IL23R: variants seen among roughly 807,000 people sequenced by gnomAD.
IL23R encodes interleukin 23 receptor, also known as interleukin-23 receptor.
Under a neutral mutation model 56.9 loss-of-function variants are expected in IL23R, and 34 were observed. The observed-to-expected ratio is 0.60, with a 90% CI of 0.45 to 0.80. The LOEUF (loss-of-function observed/expected upper bound fraction) is 0.80. Among genes scored for constraint, IL23R ranks in the 30% least tolerant of loss-of-function variants. The pLI is 0.00. For synonymous variants in IL23R, 230 were observed against 249.2 expected (o/e 0.92, Z 0.73); for missense variants, 635 against 730.0 (o/e 0.87, Z 1.50).
At chr1:67,197,398 T>C (rs1227286086) in intron 4 of IL23R, among the ~76,000 whole-genome samples, 1 of 151,998 alleles carries the variant, frequency 6.6e-6, no homozygotes, top group South Asian at 2.1e-4. Flanking sequence ...ACTAAGGAGG[T>C]AGAAAATCTG....
At chr1:67,202,607 T>C (rs1648719129) in intron 5 of IL23R, among the ~76,000 whole-genome samples, 3 of 152,268 alleles carry the variant, frequency 2.0e-5, no homozygotes, top group African/African-American at 2.4e-5. Flanking sequence ...ATTTATATAT[T>C]AGAAAACTGA....
Position 67,170,262 on chromosome 1 carries a change from C to T in IL23R, c.367+624C>T, listed in dbSNP as rs11465784. ...TTAATTTCAATAATTTATTTGGAAG[C>T]ATATGATAAAGTTTAAAGTACATCA... On this transcript the variant is annotated intron_variant, in intron 3 of 10. Transcript: ENST00000347310. 1.8e-3 allele frequency among the ~76,000 whole-genome samples: 274 copies of T among 152,248 alleles called. 1 individual carries two copies. The highest frequency in any genetic ancestry group is 3.1e-3 in the Non-Finnish European group (213 of 68,010).
chr1:67,205,481 A>G (rs1648941172), intron 5 of IL23R, among the ~76,000 whole-genome samples: 1 of 152,224 alleles, frequency 6.6e-6, no homozygotes, highest in African/African-American at 2.4e-5. Flanking sequence ...TACAGCTATC[A>G]AAGTCATAGG....
upstream of IL23R, among the ~76,000 whole-genome samples, chr1:67,163,840 CTCTTT>C (rs1326583248): frequency 5.3e-5 from 8 of 152,170 alleles, no homozygotes; most frequent in Admixed American, 5.2e-4. Flanking sequence ...CCAATTAAGC[CTCTTT>C]TCTTTATAAA....
chr1:67,207,587 T>C (rs553129257), intron 6 of IL23R: 17 of 371,408 alleles, frequency 4.6e-5, no homozygotes, highest in Admixed American at 4.1e-4. Flanking sequence ...TCTGATGCGT[T>C]TATCAGAGGT....
At chr1:67,183,195 T>C (rs1026958539) in intron 4 of IL23R, among the ~76,000 whole-genome samples, 5 of 152,232 alleles carry the variant, frequency 3.3e-5, no homozygotes, top group Non-Finnish European at 7.3e-5. Context: ...CATTAGTAGG[T>C]AACTGGTAGC....
intron 3 of IL23R, among the ~76,000 whole-genome samples, chr1:67,176,810 G>A (rs375821429): frequency 6.6e-5 from 10 of 152,068 alleles, no homozygotes; most frequent in South Asian, 2.1e-4. Flanking sequence ...AACTGGCCCC[G>A]GTGTGTGATG....
chr1:67,178,823 AT>A (rs1647048584), intron 3 of IL23R, among the ~76,000 whole-genome samples: 1 of 152,226 alleles, frequency 6.6e-6, no homozygotes, highest in African/African-American at 2.4e-5. Flanking sequence ...AGTTTTTAGC[AT>A]GAAGCTTGTT....
intron 6 of IL23R, 178 bp downstream of exon 6, chr1:67,207,233 G>T: frequency 1.4e-6 from 1 of 735,444 alleles, no homozygotes; most frequent in Non-Finnish European, 2.4e-6. Flanking sequence ...AGATTCGGGG[G>T]CACATGTGCA....
At chr1:67,219,842 G>C in intron 7 of IL23R, 112 bp downstream of exon 7, 1 of 1,015,634 alleles carries the variant, frequency 9.8e-7, no homozygotes, top group Non-Finnish European at 1.5e-6. Flanking sequence ...AAGGCAGGAA[G>C]ATTGCTTGAG....
chr1:67,255,013 A>C (rs536567938), intron 9 of IL23R, among the ~76,000 whole-genome samples: 1 of 152,322 alleles, frequency 6.6e-6, no homozygotes, highest in South Asian at 2.1e-4. Flanking sequence ...CTCCATCCGC[A>C]TCAAGAAAGT....
At chr1:67,181,649 C>T (rs1034267105) in intron 3 of IL23R, among the ~76,000 whole-genome samples, 4 of 152,216 alleles carry the variant, frequency 2.6e-5, no homozygotes, top group African/African-American at 9.6e-5. Flanking sequence ...AGTCATTCTC[C>T]ATCCAGCTTT....
intron 7 of IL23R, among the ~76,000 whole-genome samples, chr1:67,233,853 T>TG (rs1491543341): frequency 1.6e-5 from 1 of 62,678 alleles, no homozygotes; most frequent in African/African-American, 4.1e-5. Flanking sequence ...TATCATGAGG[T>TG]TTTTTTTTTT....
chr1:67,147,029 A>G lies in IL23R; in HGVS notation c.-634+7868A>G, dbSNP rs149223235. On this transcript the variant is annotated intron_variant, in intron 1 of 10. Coordinates refer to the IL23R transcript ENST00000637002. ...TTCTAACGGGTGAGTACAGGCCCCA[A>G]GACAGAACATTCAGAGTCCTTCTCT... Among the ~76,000 whole-genome samples, 254 of 152,284 alleles carry G rather than the reference A, an allele frequency of 1.7e-3. 1 individual carries two copies. The highest frequency in any genetic ancestry group is 5.9e-3 in the African/African-American group (244 of 41,562).
At chr1:67,265,831 A>G in the IL23R span, among the ~76,000 whole-genome samples, 1 of 152,076 alleles carries the variant, frequency 6.6e-6, no homozygotes, top group Non-Finnish European at 1.5e-5. Context: ...GCTTGAGCCC[A>G]GGAGTCCAAC....
At chr1:67,164,835 T>G (rs1324528723), upstream of IL23R, among the ~76,000 whole-genome samples, 1 of 152,138 alleles carries the variant, frequency 6.6e-6, no homozygotes, top group Non-Finnish European at 1.5e-5. Context: ...TAGATTTTTT[T>G]TTCAAGGAAG....
chr1:67,178,525 C>T (rs570454343), intron 3 of IL23R, among the ~76,000 whole-genome samples: 10 of 152,248 alleles, frequency 6.6e-5, no homozygotes, highest in East Asian at 1.9e-4. Flanking sequence ...TGGGCTGAGA[C>T]GATGGGGTTT....
chr1:67,209,401 C>T (rs1000730851), intron 6 of IL23R, among the ~76,000 whole-genome samples: 1 of 152,166 alleles, frequency 6.6e-6, no homozygotes, highest in African/African-American at 2.4e-5. Flanking sequence ...TCCCAGAATT[C>T]CCACATGTTG....
chr1:67,169,734 T>C, intron 3 of IL23R, 96 bp downstream of exon 3: 1 of 1,170,866 alleles, frequency 8.5e-7, no homozygotes, highest in South Asian at 1.2e-5. Flanking sequence ...CAAAATAATA[T>C]AGTTCAGTTT....
Sources: gnomAD v4.1 joint callset for allele counts (sites outside exome capture counted in the v4.1 genomes callset) on GRCh38, gnomAD v4.1.1 for gene constraint, MANE v1.5 for transcripts, NCBI Gene and HGNC (gene_info 2026-07-23, HGNC 2026-07-21) for gene names.